Variants in HMCN2 observed in about 807,000 individuals in gnomAD.
HMCN2 encodes hemicentin 2.
HMCN2 carries 325 observed loss-of-function variants against 377.5 expected under a neutral mutation model. The observed-to-expected ratio is 0.86, with a 90% CI of 0.79 to 0.94. The LOEUF (loss-of-function observed/expected upper bound fraction) is 0.94, where lower values mean the gene tolerates loss of function less well. Ranked by LOEUF, HMCN2 falls within the 40% of genes least tolerant of loss-of-function variation. The probability of loss-of-function intolerance (pLI) is 0.00; values close to 1 mark genes in which losing one functional copy is unlikely to be tolerated. For synonymous variants in HMCN2, 2,007 were observed against 2,046.8 expected (o/e 0.98, Z 0.53); for missense variants, 4,543 against 4,725.3 (o/e 0.96, Z 1.13).
At chr9:130,293,530 C>T (rs1835933369) in intron 4 of HMCN2, among the ~76,000 whole-genome samples, 1 of 151,942 alleles carries the variant, frequency 6.6e-6, no homozygotes, top group South Asian at 2.1e-4. Context: ...TCTTGGTTTC[C>T]TTGCTGGAAT....
In HMCN2 at chr9:130,327,326, T is replaced by C. The variant is rs1838196149; in HGVS notation, c.3210T>C (p.His1070=). The C allele has an allele frequency of 6.6e-6, 1 of 152,330 alleles. No homozygotes were observed. The highest frequency in any genetic ancestry group is 2.4e-5 in the African/African-American group (1 of 41,418). 9.4% of individuals were successfully genotyped at this position (152,330 alleles called of 1,614,324 possible). Residue 1070 remains histidine, a synonymous_variant, in exon 22 of 98, where the codon CAT becomes CAC. Coordinates refer to ENST00000683500, the MANE Select transcript of HMCN2 (RefSeq NM_001291815.2). The part of the protein sequence containing the change: ...RLSVNTKPRI[H]MNGSRNADVP... ...TCCCCGCAGCCAAACCCAGGATCCA[T>C]ATGAACGGGTCACGTAATGCAGATG...
intron 85 of HMCN2, among the ~76,000 whole-genome samples, chr9:130,415,058 A>G (rs919921500): frequency 6.6e-6 from 1 of 152,082 alleles, no homozygotes; most frequent in Non-Finnish European, 1.5e-5. Context: ...ACTCCCACCG[A>G]TCCCCAGCAA....
In HMCN2 at chr9:130,394,941, G is replaced by A. The variant is rs1004556121; in HGVS notation, c.10693-86G>A. On this transcript the variant is annotated intron_variant, in intron 69 of 97. Transcript: ENST00000683500. The surrounding 1 kb of genome is among the most constrained non-coding windows in gnomAD (Gnocchi z 5.1). Reference sequence around the variant, plus strand: ...CTCGCAGGGCTGAGTTTGAATCCTGGGTCCCTCGATGCATGAGAAAGAAAC... The same window carrying A: ...CTCGCAGGGCTGAGTTTGAATCCTGAGTCCCTCGATGCATGAGAAAGAAAC... The A allele has an allele frequency of 8.1e-6, 7 of 862,084 alleles. No individual in the cohort carries two copies. The highest frequency in any genetic ancestry group is 1.1e-5 in the Non-Finnish European group (7 of 626,364). The allele number at this position is 862,084 out of a possible 1,614,324, so 53.4% of individuals were successfully genotyped here. A position where few individuals can be genotyped will look rare whatever the true frequency, so the allele number is the denominator to read the frequency against.
At chr9:130,279,357 G>T (rs1401720494) in intron 1 of HMCN2, among the ~76,000 whole-genome samples, 1 of 151,724 alleles carries the variant, frequency 6.6e-6, no homozygotes, top group Non-Finnish European at 1.5e-5. Flanking sequence ...CAACATTGTT[G>T]TTTTGTTTTT....
chr9:130,425,873 G>A lies in HMCN2; in HGVS notation c.13828G>A (p.Asp4610Asn), dbSNP rs1261866425. 6.5e-7 allele frequency: 1 copy of A among 1,550,304 alleles called. No homozygotes were observed. Among genetic ancestry groups the A allele is most frequent in the East Asian group, 2.4e-5 (1 of 40,898 alleles). ...LRASAISSAF[D>N]PEAEALRFQL... The stretch of plus-strand genomic sequence containing the variant: ...GGCCTCAGCTATCAGCTCGGCCTTT[G>A]ATCCAGAGGCCGAGGCCCTGCGCTT... Residue 4610 changes from aspartate (D) to asparagine (N), a missense_variant, in exon 90 of 98, where the codon GAT becomes AAT. Physicochemically the swap from Asp to Asn is conservative, Grantham distance 23 (BLOSUM62 1). Transcript: ENST00000683500.
intron 39 of HMCN2, 41 bp downstream of exon 39, chr9:130,362,206 C>T: frequency 1.0e-6 from 1 of 983,904 alleles, no homozygotes; most frequent in South Asian, 4.7e-5. Context: ...CTCCCTGCAC[C>T]TCCCGTAGAT....
At chr9:130,358,783 C>T (rs1286807166) in intron 36 of HMCN2, among the ~76,000 whole-genome samples, 2 of 152,116 alleles carry the variant, frequency 1.3e-5, no homozygotes, top group Non-Finnish European at 2.9e-5. Context: ...ACGCCATTCT[C>T]CTGCCTCAGC....
chr9:130,292,633 A>G (rs989855628), intron 4 of HMCN2, among the ~76,000 whole-genome samples: 1 of 152,056 alleles, frequency 6.6e-6, no homozygotes, highest in Non-Finnish European at 1.5e-5. Context: ...GTGCACATGG[A>G]TTATATTATT....
chr9:130,285,414 G>A, intron 3 of HMCN2, 98 bp downstream of exon 3: 1 of 416,172 alleles, frequency 2.4e-6, no homozygotes, highest in Admixed American at 2.7e-5. Flanking sequence ...CTGGAGAGCA[G>A]AGCTGGGCAC....
intron 22 of HMCN2, among the ~76,000 whole-genome samples, chr9:130,333,318 T>G (rs1838525956): frequency 6.6e-6 from 1 of 152,008 alleles, no homozygotes; most frequent in Non-Finnish European, 1.5e-5. Flanking sequence ...CTTCCCTGAG[T>G]GCAGCAAAGG....
chr9:130,267,856 T>C (rs1834208367), intron 1 of HMCN2, among the ~76,000 whole-genome samples: 1 of 152,184 alleles, frequency 6.6e-6, no homozygotes, highest in Admixed American at 6.5e-5. Flanking sequence ...GTGAAGTGTG[T>C]TCTGGCACTT....
intron 22 of HMCN2, among the ~76,000 whole-genome samples, chr9:130,328,363 G>A (rs935732280): frequency 1.3e-5 from 2 of 152,162 alleles, no homozygotes; most frequent in Non-Finnish European, 1.5e-5. Context: ...TAGAAAGCCC[G>A]GTCCTAGCTC....
intron 1 of HMCN2, among the ~76,000 whole-genome samples, chr9:130,274,660 G>T (rs150484141): frequency 1.4e-3 from 218 of 152,182 alleles, no homozygotes; most frequent in Non-Finnish European, 2.0e-3. Flanking sequence ...TAACACTCTG[G>T]TGTCCTTCCA....
At chr9:130,323,529 G>T (rs1478745304) in intron 19 of HMCN2, among the ~76,000 whole-genome samples, 5 of 152,276 alleles carry the variant, frequency 3.3e-5, no homozygotes, top group African/African-American at 9.6e-5. Context: ...GGGAATATGG[G>T]TACCAAAAGA....
At chr9:130,314,841 G>A (rs899196042) in intron 15 of HMCN2, among the ~76,000 whole-genome samples, 1 of 152,168 alleles carries the variant, frequency 6.6e-6, no homozygotes, top group African/African-American at 2.4e-5. Context: ...TGAAAATAGA[G>A]TTACCGCCTT....
rs1039951711 is a variant in HMCN2, at chr9:130,314,165, C to T, written c.2350+4104C>T. 3.8e-3 allele frequency among the ~76,000 whole-genome samples: 574 copies of T among 152,142 alleles called. 1 individual carries two copies. Among genetic ancestry groups the T allele is most frequent in the Non-Finnish European group, 6.3e-3 (427 of 68,022 alleles). ...CTGGAAGCTCCTGGTTGCCGGGGGC[C>T]GAGCTGGGGAACAGGAGATGTGCTG... On this transcript the variant is annotated intron_variant, in intron 15 of 97. Coordinates refer to ENST00000683500, the MANE Select transcript of HMCN2 (RefSeq NM_001291815.2).
In HMCN2 at chr9:130,417,359, C is replaced by CA. The variant is rs554540418; in HGVS notation, c.12962-1408dup. Among the ~76,000 whole-genome samples, 496 of 151,042 alleles carry CA rather than the reference C, an allele frequency of 3.3e-3. 2 individuals are homozygous for CA. Among genetic ancestry groups the CA allele is most frequent in the Admixed American group, 8.3e-3 (126 of 15,134 alleles). ...CAATATGGCAAAACCCCGTCTCTACCAAAAATACAAAAATTAGCCAGGCGT... is the reference window on the plus strand; with the variant it reads ...CAATATGGCAAAACCCCGTCTCTACCAAAAAATACAAAAATTAGCCAGGCGT... On this transcript the variant is annotated intron_variant, in intron 85 of 97. Coordinates refer to ENST00000683500, the MANE Select transcript of HMCN2 (RefSeq NM_001291815.2).
chr9:130,270,118 T>C (rs1834338096), intron 1 of HMCN2, among the ~76,000 whole-genome samples: 1 of 148,054 alleles, frequency 6.8e-6, no homozygotes, highest in African/African-American at 2.4e-5. Context: ...GCCTTAACTG[T>C]TTCTTTTTTT....
At chr9:130,283,906 TTTTCA>T (rs56691111) in intron 1 of HMCN2, among the ~76,000 whole-genome samples, 81,921 of 151,632 alleles carry the variant, frequency 0.54, 23,375 homozygotes, top group East Asian at 0.73. Context: ...TGAACATATG[TTTTCA>T]TTTCTCTTGG....
Sources: allele counts gnomAD v4.1 joint callset (sites outside exome capture counted in the v4.1 genomes callset), GRCh38; gene constraint gnomAD v4.1.1; non-coding constraint Gnocchi (gnomAD v3.1); transcripts MANE v1.5; gene names NCBI Gene and HGNC (gene_info 2026-07-23, HGNC 2026-07-21).